CPAMD8: variants seen among roughly 807,000 people sequenced by gnomAD.
The protein encoded by CPAMD8 is C3 and PZP-like alpha-2-macroglobulin domain-containing protein 8.
Under a neutral mutation model 224.7 loss-of-function variants are expected in CPAMD8, and 146 were observed. The observed-to-expected ratio is 0.65, with a 90% confidence interval of 0.57 to 0.75. The LOEUF is 0.75. CPAMD8 is among the 30% of genes least tolerant of loss of function. The pLI, the probability that CPAMD8 is intolerant of heterozygous loss-of-function variation, is 0.00. For missense variants in CPAMD8, 2,301 were observed against 2,537.5 expected (o/e 0.91, Z 2.00); for synonymous variants, 966 against 1,044.6 (o/e 0.92, Z 1.45).
chr19:17,020,043 C>G (rs976752065), intron 3 of CPAMD8, among the ~76,000 whole-genome samples: 1 of 141,948 alleles, frequency 7.0e-6, no homozygotes, highest in African/African-American at 2.7e-5. Flanking sequence ...GGTGCAATCT[C>G]GGCTCACAGC....
chr19:17,005,551 A>G (rs1413147757), intron 7 of CPAMD8, among the ~76,000 whole-genome samples: 2 of 152,088 alleles, frequency 1.3e-5, no homozygotes, highest in Non-Finnish European at 1.5e-5. Flanking sequence ...AGCTGTTTTC[A>G]CTGGGAGCCA....
At chr19:17,000,595 A>G in intron 9 of CPAMD8, 73 bp from the exon 10 acceptor site, 1 of 734,116 alleles carries the variant, frequency 1.4e-6, no homozygotes, top group Non-Finnish European at 2.5e-6. Context: ...CAGGAAGGCC[A>G]GGTTGACATA....
At chr19:16,966,622 C>T (rs1377527247) in intron 18 of CPAMD8, among the ~76,000 whole-genome samples, 1 of 152,062 alleles carries the variant, frequency 6.6e-6, no homozygotes, top group African/African-American at 2.4e-5. Flanking sequence ...CCAAAATCTA[C>T]AAAGAACTCA....
At position 16,895,846 on chromosome 19, in the gene CPAMD8, T is replaced by TC. The variant is rs201966403; in HGVS notation, c.5426+329dup. 2,323 of 503,388 alleles carry TC rather than the reference T, an allele frequency of 4.6e-3. 35 individuals are homozygous for TC. The highest frequency in any genetic ancestry group is 0.029 in the African/African-American group (1,485 of 51,470). The allele number at this position is 503,388 out of a possible 1,614,324, so 31.2% of individuals were successfully genotyped here. A position where few individuals can be genotyped will look rare whatever the true frequency, so the allele number is the denominator to read the frequency against. Reference sequence around the variant, plus strand: ...AATCTGAAATCCGAAACACTGCTGGTCCCCCCAGCATTTCGGATAAGGGAT... The same window carrying TC: ...AATCTGAAATCCGAAACACTGCTGGTCCCCCCCAGCATTTCGGATAAGGGAT... On this transcript the variant is annotated intron_variant, in intron 41 of 41. Coordinates refer to ENST00000443236, the MANE Select transcript of CPAMD8 (RefSeq NM_015692.5).
intron 8 of CPAMD8, 49 bp from the exon 9 acceptor site, chr19:17,002,399 G>A: frequency 1.5e-6 from 2 of 1,335,212 alleles, no homozygotes; most frequent in Non-Finnish European, 2.1e-6. Flanking sequence ...CCCTAAGGTG[G>A]CCTCAGGAGC....
chr19:16,906,948 C>T lies in CPAMD8; in HGVS notation c.4027+4G>A. ...GGCCTCTGGGGAGGGCCAGGGACAC[C>T]TACCTCGCATGATGGCCAGGCTACG... On this transcript the variant is annotated splice_donor_region_variant and intron_variant, in intron 30 of 41. Transcript: ENST00000443236. 3 of 1,579,216 alleles carry T rather than the reference C, an allele frequency of 1.9e-6. No homozygotes were observed. The highest frequency in any genetic ancestry group is 2.6e-6 in the Non-Finnish European group (3 of 1,163,218).
intron 26 of CPAMD8, 117 bp downstream of exon 26, chr19:16,925,079 A>G (rs2053311374): frequency 9.1e-7 from 1 of 1,104,520 alleles, no homozygotes; most frequent in African/African-American, 1.6e-5. Flanking sequence ...TCTTTTGCCC[A>G]CTTCCTCCCC....
intron 27 of CPAMD8, among the ~76,000 whole-genome samples, chr19:16,920,855 CAAA>C (rs200039066): frequency 8.4e-6 from 1 of 119,092 alleles, no homozygotes. Context: ...GACTCTATCT[CAAA>C]AAAAAAAAAA....
chr19:16,965,095 C>A (rs1002745107), intron 18 of CPAMD8, among the ~76,000 whole-genome samples: 1 of 152,044 alleles, frequency 6.6e-6, no homozygotes, highest in African/African-American at 2.4e-5. Context: ...CCTGTCTCTA[C>A]TAAAAATACA....
intron 20 of CPAMD8, 150 bp from the exon 21 acceptor site, chr19:16,947,377 A>G (rs1392715825): frequency 3.1e-6 from 3 of 961,390 alleles, no homozygotes; most frequent in Non-Finnish European, 4.6e-6. Flanking sequence ...TCCCCTTTCC[A>G]TTTCCGATCA....
intron 19 of CPAMD8, 117 bp downstream of exon 19, chr19:16,957,736 G>T: frequency 1.1e-6 from 1 of 890,996 alleles, no homozygotes; most frequent in Non-Finnish European, 1.8e-6. Context: ...AAGATGCACA[G>T]TGTCTTGCTC....
intron 27 of CPAMD8, among the ~76,000 whole-genome samples, chr19:16,920,350 G>A (rs1452351767): frequency 2.0e-5 from 3 of 152,026 alleles, no homozygotes; most frequent in African/African-American, 7.2e-5. Context: ...CGTGGTGGCG[G>A]GCGCCTGTAT....
At chr19:17,024,815 T>C (rs1568617360) in intron 1 of CPAMD8, among the ~76,000 whole-genome samples, 2 of 152,202 alleles carry the variant, frequency 1.3e-5, no homozygotes, top group Non-Finnish European at 2.9e-5. Context: ...TCTGGGTCAG[T>C]GTAGACAGAA....
chr19:16,988,397 G>A (rs965923492), intron 13 of CPAMD8, among the ~76,000 whole-genome samples: 36 of 152,134 alleles, frequency 2.4e-4, no homozygotes, highest in African/African-American at 8.7e-4. Flanking sequence ...GATCACTTGA[G>A]GTCAGAAGTT....
At chr19:16,906,601 A>G (rs968762349) in intron 30 of CPAMD8, among the ~76,000 whole-genome samples, 3 of 151,328 alleles carry the variant, frequency 2.0e-5, no homozygotes, top group Non-Finnish European at 2.9e-5. Flanking sequence ...ACGGGGTTTC[A>G]CCATATTGGC....
At chr19:16,975,292 G>A (rs1358636409) in intron 16 of CPAMD8, 34 bp from the exon 17 acceptor site, 1 of 1,570,796 alleles carries the variant, frequency 6.4e-7, no homozygotes, top group Admixed American at 1.8e-5. Flanking sequence ...CTTGTCAGCT[G>A]AAGTTTTCTT....
chr19:16,987,844 G>A (rs532823196), intron 13 of CPAMD8, among the ~76,000 whole-genome samples: 24 of 151,738 alleles, frequency 1.6e-4, no homozygotes, highest in African/African-American at 5.6e-4. Flanking sequence ...TTTTTGTTTT[G>A]ATAGAGATGT....
chr19:17,015,213 G>C (rs1368733317), intron 3 of CPAMD8, among the ~76,000 whole-genome samples: 3 of 152,180 alleles, frequency 2.0e-5, no homozygotes, highest in African/African-American at 7.2e-5. Context: ...CTGCACTCCA[G>C]CCTAGGTGAC....
intron 6 of CPAMD8, 77 bp from the exon 7 acceptor site, chr19:17,008,636 C>T (rs1296430816): frequency 1.9e-5 from 28 of 1,475,328 alleles, no homozygotes; most frequent in Admixed American, 8.4e-5. Context: ...AAGGATTTTC[C>T]CAGTCCTCTC....
Sources: gnomAD v4.1 joint callset for allele counts (sites outside exome capture counted in the v4.1 genomes callset) on GRCh38, gnomAD v4.1.1 for gene constraint, MANE v1.5 for transcripts, NCBI Gene and HGNC (gene_info 2026-07-23, HGNC 2026-07-21) for gene names.